TFPI: variants seen among roughly 807,000 people sequenced by gnomAD.
TFPI encodes anti-convertin.
In TFPI, 15 loss-of-function variants were observed where a neutral mutation model predicts 34.6. The observed-to-expected ratio is 0.43, with a 90% CI of 0.29 to 0.67. The LOEUF (loss-of-function observed/expected upper bound fraction) is 0.67, where lower values mean the gene tolerates loss of function less well. Among genes scored for constraint, TFPI ranks in the 30% least tolerant of loss-of-function variants. The probability of loss-of-function intolerance (pLI) is 0.15; values close to 1 mark genes in which losing one functional copy is unlikely to be tolerated. For missense variants in TFPI, 301 were observed against 364.0 expected (o/e 0.83, Z 1.41); for synonymous variants, 105 against 120.1 (o/e 0.87, Z 0.82).
Position 187,544,385 on chromosome 2 carries a change from TAC to T in TFPI, c.-3+9813_-3+9814del, listed in dbSNP as rs538782004. ...TTATAATTTTAAAGTGTATAATATT[TAC>T]ACAGATTAAAATAAAATATGGGAAA... On this transcript the variant is annotated intron_variant, in intron 1 of 7. Transcript: ENST00000233156. The T allele has an allele frequency of 4.1e-3, 625 of 152,266 alleles. 9 individuals carry two copies. The highest frequency in any genetic ancestry group is 0.014 in the African/African-American group (591 of 41,552). 9.4% of individuals were successfully genotyped at this position (152,266 alleles called of 1,614,324 possible).
rs368285282 is a variant in TFPI, at chr2:187,496,091, C to T, written c.319+790G>A. On this transcript the variant is annotated intron_variant, in intron 3 of 7. Transcript: ENST00000233156. ...AGAGTAAAAGTTTAATATAATATGA[C>T]GTACTTTTGAAATTTATAACTTAGT... Among the ~76,000 whole-genome samples, 328 of 152,070 alleles carry T rather than the reference C, an allele frequency of 2.2e-3. 3 individuals are homozygous for T. The highest frequency in any genetic ancestry group is 6.6e-3 in the African/African-American group (275 of 41,506).
intron 1 of TFPI, among the ~76,000 whole-genome samples, chr2:187,542,085 T>A (rs1015865001): frequency 6.6e-6 from 1 of 152,190 alleles, no homozygotes; most frequent in Non-Finnish European, 1.5e-5. Context: ...TGCTATTTTA[T>A]AAATCTGTGC....
At chr2:187,512,520 G>GAAA (rs34346806) in intron 1 of TFPI, among the ~76,000 whole-genome samples, 2 of 141,074 alleles carry the variant, frequency 1.4e-5, no homozygotes, top group African/African-American at 2.6e-5. Flanking sequence ...GTAATTGAAG[G>GAAA]AAAAAAAAAA....
chr2:187,496,018 G>A (rs1207877399), intron 3 of TFPI, among the ~76,000 whole-genome samples: 2 of 151,810 alleles, frequency 1.3e-5, no homozygotes, highest in Admixed American at 6.6e-5. Flanking sequence ...ATACAATAAA[G>A]TAATTAGCAA....
chr2:187,496,406 C>T (rs372554756), intron 3 of TFPI, among the ~76,000 whole-genome samples: 1 of 152,018 alleles, frequency 6.6e-6, no homozygotes, highest in East Asian at 1.9e-4. Context: ...TTTCTTCTGC[C>T]AACTGAGATT....
Position 187,496,866 on chromosome 2 carries a change from T to C in TFPI, c.319+15A>G, listed in dbSNP as rs372412117. 3.1e-6 allele frequency: 5 copies of C among 1,611,660 alleles called. No individual in the cohort carries two copies. The highest frequency in any genetic ancestry group is 3.3e-5 in the Admixed American group (2 of 59,826). Reference sequence around the variant, plus strand: ...CCTAAAGGGTCTTGAGTAATAAGGGTTCCCAGAAACCTACCTCTTGTACAC... The same window carrying C: ...CCTAAAGGGTCTTGAGTAATAAGGGCTCCCAGAAACCTACCTCTTGTACAC... On this transcript the variant is annotated intron_variant, in intron 3 of 7. Coordinates refer to ENST00000233156, the MANE Select transcript of TFPI (RefSeq NM_006287.6).
At chr2:187,546,912 A>C (rs916027371) in intron 1 of TFPI, 2 of 152,234 alleles carry the variant, frequency 1.3e-5, no homozygotes, top group East Asian at 3.8e-4. Context: ...TGGGAGGTAC[A>C]TGTGCTTTGC....
At chr2:187,521,157 A>G (rs181741752) in intron 1 of TFPI, among the ~76,000 whole-genome samples, 105 of 152,194 alleles carry the variant, frequency 6.9e-4, no homozygotes, top group Non-Finnish European at 1.3e-3. Context: ...AAAGGAATAT[A>G]TGTGTATATT....
Position 187,540,857 on chromosome 2 carries a change from C to T in TFPI, c.-3+13343G>A, listed in dbSNP as rs575140049. On this transcript the variant is annotated intron_variant, in intron 1 of 7. Transcript: ENST00000233156. ...AGTGAGCTGAGATTGTGTCACTGCACTCCAGCCTGGGTGACAGAGTGAGAC... is the reference window on the plus strand; with the variant it reads ...AGTGAGCTGAGATTGTGTCACTGCATTCCAGCCTGGGTGACAGAGTGAGAC... Among the ~76,000 whole-genome samples, 3 of 135,054 alleles carry T rather than the reference C, an allele frequency of 2.2e-5. No individual in the cohort carries two copies. In the East Asian group the frequency reaches 6.4e-4, roughly 29 times the overall value. The allele number at this position is 135,054 out of a possible 152,430, so 88.6% of individuals were successfully genotyped here. A position where few individuals can be genotyped will look rare whatever the true frequency, so the allele number is the denominator to read the frequency against.
chr2:187,489,792 T>G (rs1345502808), intron 3 of TFPI, among the ~76,000 whole-genome samples: 1 of 151,584 alleles, frequency 6.6e-6, no homozygotes, highest in South Asian at 2.1e-4. Flanking sequence ...GAATTTTAAG[T>G]GTATTTATAT....
chr2:187,484,029 A>G, intron 6 of TFPI, 95 bp downstream of exon 6: 2 of 925,586 alleles, frequency 2.2e-6, no homozygotes, highest in Non-Finnish European at 3.4e-6. Flanking sequence ...GCAGGTATAT[A>G]TATATATTTA....
At chr2:187,498,846 C>T (rs1685660991) in intron 2 of TFPI, among the ~76,000 whole-genome samples, 1 of 151,878 alleles carries the variant, frequency 6.6e-6, no homozygotes, top group South Asian at 2.1e-4. Flanking sequence ...ACACAATTGT[C>T]ATAAAATAGC....
chr2:187,501,469 AAT>A (rs1251845567), intron 2 of TFPI, among the ~76,000 whole-genome samples: 1 of 152,088 alleles, frequency 6.6e-6, no homozygotes, highest in African/African-American at 2.4e-5. Flanking sequence ...GCTAGACTCT[AAT>A]TAAAGGATTT....
In TFPI at chr2:187,478,256, A is replaced by C. The variant is rs567517035; in HGVS notation, c.628+5868T>G. ...ATGCCTGTAATCCCAGCTACTCGGG[A>C]GGCTGAGGCAGGAGAATCCCTTGAA... On this transcript the variant is annotated intron_variant, in intron 6 of 7. Transcript: ENST00000233156. Among the ~76,000 whole-genome samples the C allele has an allele frequency of 3.9e-5, 6 of 152,288 alleles. No individual in the cohort carries two copies. The South Asian group carries it at 1.0e-3, about 26-fold the overall frequency.
At chr2:187,483,983 C>T in intron 6 of TFPI, 141 bp downstream of exon 6, 1 of 681,494 alleles carries the variant, frequency 1.5e-6, no homozygotes, top group Non-Finnish European at 2.4e-6. Context: ...CAATTTGAAT[C>T]TCAGTATTTC....
chr2:187,476,119 A>T lies in TFPI; in HGVS notation c.628+8005T>A, dbSNP rs200987845. Among the ~76,000 whole-genome samples the T allele has an allele frequency of 1.9e-4, 29 of 152,304 alleles. No individual in the cohort carries two copies. The East Asian group carries it at 5.4e-3, about 28-fold the overall frequency. On this transcript the variant is annotated intron_variant, in intron 6 of 7. Coordinates refer to ENST00000233156, the MANE Select transcript of TFPI (RefSeq NM_006287.6). ...GAGTTGGCATGGTCAACAGGGACTGATTCTAGAAACAACCACACCAAAGTT... is the reference window on the plus strand; with the variant it reads ...GAGTTGGCATGGTCAACAGGGACTGTTTCTAGAAACAACCACACCAAAGTT...
chr2:187,526,337 A>C (rs529558645), intron 1 of TFPI, among the ~76,000 whole-genome samples: 1 of 152,276 alleles, frequency 6.6e-6, no homozygotes, highest in Non-Finnish European at 1.5e-5. Flanking sequence ...TCTCAATGTA[A>C]AAGACATGTT....
At chr2:187,513,567 A>G (rs1686792607) in intron 1 of TFPI, 1 of 152,574 alleles carries the variant, frequency 6.6e-6, no homozygotes, top group South Asian at 2.1e-4. Flanking sequence ...GCTCCAGCCT[A>G]AAGATCACAT....
intron 1 of TFPI, 25 bp from the exon 2 acceptor site, chr2:187,503,795 C>T (rs767241177): frequency 1.2e-6 from 2 of 1,607,716 alleles, no homozygotes; most frequent in Non-Finnish European, 1.7e-6. Flanking sequence ...CCATACATAT[C>T]TAATAAATAA....
Sources: allele counts gnomAD v4.1 joint callset (sites outside exome capture counted in the v4.1 genomes callset), GRCh38; gene constraint gnomAD v4.1.1; transcripts MANE v1.5; gene names NCBI Gene and HGNC (gene_info 2026-07-23, HGNC 2026-07-21).